KCNK13: variants seen among roughly 807,000 people sequenced by gnomAD.
KCNK13 encodes the protein potassium two pore domain channel subfamily K member 13.
Under a neutral mutation model 23.4 loss-of-function variants are expected in KCNK13, and 12 were observed. The ratio of observed to expected loss-of-function variants is 0.51; its 90% CI spans 0.33 to 0.83. KCNK13 has a LOEUF of 0.83. Ranked by LOEUF, KCNK13 falls within the 40% of genes least tolerant of loss-of-function variation. The probability of loss-of-function intolerance (pLI) is 0.02; values close to 1 mark genes in which losing one functional copy is unlikely to be tolerated. For synonymous variants in KCNK13, 231 were observed against 229.5 expected, an observed-to-expected ratio of 1.01 and a Z score of -0.06; for missense variants, 463 against 556.3, an observed-to-expected ratio of 0.83 and a Z score of 1.69.
In KCNK13 at chr14:90,144,409, T is replaced by C. The variant is rs144245740; in HGVS notation, c.335-39702T>C. ...GTCCTGCAACTTTAACAAACTTAGT[T>C]ATTAGTCTTGCTTCTCTGCTAGATT... On this transcript the variant is annotated intron_variant, in intron 1 of 1. Transcript: ENST00000282146. Among the ~76,000 whole-genome samples the C allele has an allele frequency of 6.7e-3, 1,013 of 152,230 alleles. 12 individuals are homozygous for C. Among genetic ancestry groups the C allele is most frequent in the African/African-American group, 0.022 (933 of 41,542 alleles).
intron 1 of KCNK13, among the ~76,000 whole-genome samples, chr14:90,101,543 C>T (rs1407875000): frequency 6.6e-6 from 1 of 151,878 alleles, no homozygotes; most frequent in Non-Finnish European, 1.5e-5. Context: ...AATCCCAGCA[C>T]TTTGGTAGGC....
rs1889565064 is a variant in KCNK13, at chr14:90,107,839, C to A, written c.334+45300C>A. 3.5e-6 allele frequency: 3 copies of A among 849,672 alleles called. No individual in the cohort carries two copies. In the Admixed American group the frequency reaches 5.2e-5, roughly 15 times the overall value. 52.6% of individuals were successfully genotyped at this position (849,672 alleles called of 1,614,324 possible). The stretch of plus-strand genomic sequence containing the variant: ...AGATCACAACCACCAACCACACTAA[C>A]AAGATTCAAGATTATTTGGAACAGC... On this transcript the variant is annotated intron_variant, in intron 1 of 1. Transcript: ENST00000282146.
At chr14:90,144,251 T>C (rs1360863204) in intron 1 of KCNK13, among the ~76,000 whole-genome samples, 1 of 152,214 alleles carries the variant, frequency 6.6e-6, no homozygotes, top group Non-Finnish European at 1.5e-5. Flanking sequence ...TAGTTTTCAG[T>C]GTACTGGTCT....
At chr14:90,125,919 G>A (rs1401626809) in intron 1 of KCNK13, among the ~76,000 whole-genome samples, 2 of 151,858 alleles carry the variant, frequency 1.3e-5, no homozygotes, top group Non-Finnish European at 2.9e-5. Flanking sequence ...AGCTACTCAG[G>A]ATGCTGAGAT....
intron 1 of KCNK13, chr14:90,107,840 A>G (rs1176769669): frequency 2.4e-6 from 2 of 849,464 alleles, no homozygotes; most frequent in Non-Finnish European, 4.1e-6. Context: ...CCACACTAAC[A>G]AGATTCAAGA....
chr14:90,159,684 A>G (rs1277191188), intron 1 of KCNK13, among the ~76,000 whole-genome samples: 4 of 152,174 alleles, frequency 2.6e-5, no homozygotes, highest in Admixed American at 6.5e-5. Flanking sequence ...TGTTTTATCT[A>G]TATTAGGTTA....
chr14:90,080,131 C>T (rs1596768457), intron 1 of KCNK13, among the ~76,000 whole-genome samples: 2 of 151,912 alleles, frequency 1.3e-5, no homozygotes, highest in African/African-American at 2.4e-5. Flanking sequence ...TTTAGGGAGC[C>T]GTTGGGACCT....
At position 90,110,234 on chromosome 14, in the gene KCNK13, C is replaced by T. The variant is rs746902314; in HGVS notation, c.334+47695C>T. Reference sequence around the variant, plus strand: ...AGACCGCATAAAAATGCACCTGAGCCGGTGCGGTGGCTCATGCCTGTAATC... The same window carrying T: ...AGACCGCATAAAAATGCACCTGAGCTGGTGCGGTGGCTCATGCCTGTAATC... On this transcript the variant is annotated intron_variant, in intron 1 of 1. Coordinates refer to ENST00000282146, the MANE Select transcript of KCNK13 (RefSeq NM_022054.4). Among the ~76,000 whole-genome samples, 3 of 151,566 alleles carry T rather than the reference C, an allele frequency of 2.0e-5. 1 individual carries two copies. Among genetic ancestry groups the T allele is most frequent in the South Asian group, 4.2e-4 (2 of 4,724 alleles).
At chr14:90,102,130 A>G (rs1488746073) in intron 1 of KCNK13, among the ~76,000 whole-genome samples, 3 of 152,114 alleles carry the variant, frequency 2.0e-5, no homozygotes, top group African/African-American at 7.2e-5. Context: ...TGATCCACCT[A>G]CCTTGGCCTC....
intron 1 of KCNK13, among the ~76,000 whole-genome samples, chr14:90,127,532 G>T (rs1219388928): frequency 1.3e-5 from 2 of 149,562 alleles, no homozygotes; most frequent in African/African-American, 4.9e-5. Context: ...GGTATTTATG[G>T]CCAGACGTGA....
At chr14:90,166,267 A>T (rs1890301090) in intron 1 of KCNK13, among the ~76,000 whole-genome samples, 1 of 152,264 alleles carries the variant, frequency 6.6e-6, no homozygotes, top group South Asian at 2.1e-4. Flanking sequence ...TTTGGGAAGA[A>T]CTGTATTGAT....
chr14:90,171,900 GA>G (rs1347512896), intron 1 of KCNK13, among the ~76,000 whole-genome samples: 6 of 152,128 alleles, frequency 3.9e-5, no homozygotes, highest in African/African-American at 1.2e-4. Context: ...TTCACATGAT[GA>G]ACACAAACAT....
intron 1 of KCNK13, among the ~76,000 whole-genome samples, chr14:90,109,743 C>G (rs1372419582): frequency 2.0e-5 from 3 of 148,448 alleles, no homozygotes; most frequent in Non-Finnish European, 4.4e-5. Context: ...AGGACTTGCT[C>G]TGTCACCCAG....
intron 1 of KCNK13, among the ~76,000 whole-genome samples, chr14:90,087,614 G>A (rs751218391): frequency 4.6e-5 from 7 of 152,126 alleles, no homozygotes; most frequent in Non-Finnish European, 8.8e-5. Flanking sequence ...CAACACTCTC[G>A]TTGCTCAATC....
At position 90,062,156 on chromosome 14, in the gene KCNK13, C is replaced by T; in HGVS notation, c.-50C>T. On this transcript the variant is annotated 5_prime_UTR_variant, in exon 1 of 2. Coordinates refer to ENST00000282146, the MANE Select transcript of KCNK13 (RefSeq NM_022054.4). This position sits in a 1 kb window ranked among gnomAD's most constrained non-coding sequence, Gnocchi z 4.5. ...TTTCCCGGGGGTGTGGGCGAGACTC[C>T]GCCGACGCCCGGTGCCGTGGGCCTG... The T allele has an allele frequency of 1.6e-6, 2 of 1,220,038 alleles. No individual in the cohort carries two copies. The highest frequency in any genetic ancestry group is 4.1e-5 in the South Asian group (2 of 48,712). The allele number at this position is 1,220,038 out of a possible 1,614,324, so 75.6% of individuals were successfully genotyped here. A position where few individuals can be genotyped will look rare whatever the true frequency, so the allele number is the denominator to read the frequency against.
intron 1 of KCNK13, among the ~76,000 whole-genome samples, chr14:90,178,425 G>A (rs1037824506): frequency 4.6e-5 from 7 of 151,970 alleles, no homozygotes; most frequent in Non-Finnish European, 8.8e-5. Flanking sequence ...CGGAGTAGCT[G>A]GGATTACAGG....
chr14:90,089,359 C>T (rs1398393793), intron 1 of KCNK13, among the ~76,000 whole-genome samples: 1 of 152,208 alleles, frequency 6.6e-6, no homozygotes, highest in African/African-American at 2.4e-5. Context: ...CATTTTGCCC[C>T]TGCCCTAGAG....
intron 1 of KCNK13, among the ~76,000 whole-genome samples, chr14:90,126,020 AT>A (rs200693898): frequency 0.01 from 577 of 56,882 alleles, 5 homozygotes; most frequent in African/African-American, 0.035. Flanking sequence ...GTGAGACGCT[AT>A]TTAAAAAAAA....
chr14:90,092,481 G>A (rs955208061), intron 1 of KCNK13, among the ~76,000 whole-genome samples: 1 of 152,198 alleles, frequency 6.6e-6, no homozygotes, highest in Non-Finnish European at 1.5e-5. Context: ...ACTGAGGTTT[G>A]CAGGCAAGAC....
Sources: allele counts gnomAD v4.1 joint callset (sites outside exome capture counted in the v4.1 genomes callset), GRCh38; gene constraint gnomAD v4.1.1; non-coding constraint Gnocchi (gnomAD v3.1); transcripts MANE v1.5; gene names NCBI Gene and HGNC (gene_info 2026-07-23, HGNC 2026-07-21).